DCAF1: variants seen among roughly 807,000 people sequenced by gnomAD.
DCAF1 encodes the protein DDB1 and CUL4 associated factor 1.
DCAF1 carries 15 observed loss-of-function variants against 128.0 expected under a neutral mutation model. The ratio of observed to expected loss-of-function variants is 0.12; its 90% confidence interval spans 0.08 to 0.18. The LOEUF (loss-of-function observed/expected upper bound fraction) is 0.18, where lower values mean the gene tolerates loss of function less well. Among genes scored for constraint, DCAF1 ranks in the 10% least tolerant of loss-of-function variants. The probability of loss-of-function intolerance (pLI) is 1.00; values close to 1 mark genes in which losing one functional copy is unlikely to be tolerated. For missense variants in DCAF1, 988 were observed against 1,649.5 expected (o/e 0.60, Z 6.95); for synonymous variants, 610 against 603.0 (o/e 1.01, Z -0.17).
intron 23 of DCAF1, 83 bp from the exon 24 acceptor site, chr3:51,403,478 A>AG (rs1488208537): frequency 1.4e-5 from 21 of 1,511,632 alleles, no homozygotes; most frequent in Non-Finnish European, 1.8e-5. Context: ...CCAAAGAGAC[A>AG]GGGTAGGAAA....
intron 6 of DCAF1, among the ~76,000 whole-genome samples, chr3:51,447,299 A>G (rs1055256896): frequency 6.6e-6 from 1 of 151,906 alleles, no homozygotes; most frequent in Admixed American, 6.6e-5. Flanking sequence ...AGTTCCAACT[A>G]TTCGGGAGGC....
Position 51,441,723 on chromosome 3 carries a change from G to C in DCAF1, c.688C>G (p.Gln230Glu), listed in dbSNP as rs782646159. ...TCCATGTCTCCAGAAGCTTCCTCTT[G>C]GTCTCCATCCACTACATCTACAGCC... ...DMAVDVVDGD[Q>E]EEASGDMEIS... is the part of the protein sequence containing the mutation. The change falls in exon 8 of 25, where the codon CAA (glutamine) becomes GAA (glutamate). Residue 230 changes from glutamine to glutamate, a missense_variant. Transcript: ENST00000684031. 1 of 1,613,810 alleles carries C rather than the reference G, an allele frequency of 6.2e-7. No homozygotes were observed. The highest frequency in any genetic ancestry group is 8.5e-7 in the Non-Finnish European group (1 of 1,179,862).
downstream of DCAF1, chr3:51,397,491 A>G (rs868908497): frequency 6.0e-6 from 1 of 166,944 alleles, no homozygotes; most frequent in African/African-American, 2.4e-5. Context: ...AGCTTTGCCA[A>G]CTCCATCCTC....
chr3:51,426,617 T>C (rs1699933173), intron 13 of DCAF1, among the ~76,000 whole-genome samples: 1 of 152,242 alleles, frequency 6.6e-6, no homozygotes, highest in Admixed American at 6.5e-5. Flanking sequence ...ATTATTAATA[T>C]GGTAAAGGTA....
At chr3:51,455,556 T>C (rs1015365068) in intron 6 of DCAF1, among the ~76,000 whole-genome samples, 3 of 151,898 alleles carry the variant, frequency 2.0e-5, no homozygotes, top group Non-Finnish European at 4.4e-5. Context: ...CAGTGAGCCA[T>C]GGTGATCTCA....
intron 9 of DCAF1, chr3:51,438,054 C>T: frequency 4.7e-6 from 2 of 424,574 alleles, no homozygotes; most frequent in Non-Finnish European, 9.2e-6. Flanking sequence ...TAAAATTTTA[C>T]TTATTACATA....
At chr3:51,433,606 T>C (rs1700564799) in intron 9 of DCAF1, among the ~76,000 whole-genome samples, 1 of 151,302 alleles carries the variant, frequency 6.6e-6, no homozygotes, top group African/African-American at 2.4e-5. Flanking sequence ...GGATTACAGA[T>C]ACCCGCCACC....
intron 6 of DCAF1, among the ~76,000 whole-genome samples, chr3:51,459,232 C>T (rs1463241222): frequency 6.6e-6 from 1 of 152,240 alleles, no homozygotes; most frequent in African/African-American, 2.4e-5. Flanking sequence ...GATATCACAA[C>T]CGATCCCACG....
upstream of DCAF1, among the ~76,000 whole-genome samples, chr3:51,502,219 C>T (rs1343633468): frequency 6.6e-6 from 1 of 152,136 alleles, no homozygotes; most frequent in Non-Finnish European, 1.5e-5. Flanking sequence ...CCTCAGTCTG[C>T]CACCAGATGG....
At chr3:51,440,647 T>G (rs534222165) in intron 9 of DCAF1, among the ~76,000 whole-genome samples, 16 of 151,348 alleles carry the variant, frequency 1.1e-4, no homozygotes, top group African/African-American at 3.9e-4. Flanking sequence ...GGCTCACGCC[T>G]GTAATCCCAG....
intron 4 of DCAF1, among the ~76,000 whole-genome samples, chr3:51,467,942 T>C (rs140021381): frequency 2.5e-3 from 381 of 152,212 alleles, no homozygotes; most frequent in African/African-American, 8.9e-3. Flanking sequence ...AACCTCTCCT[T>C]CCACTACAAT....
At chr3:51,437,695 G>A (rs1700979688) in intron 9 of DCAF1, among the ~76,000 whole-genome samples, 3 of 151,920 alleles carry the variant, frequency 2.0e-5, no homozygotes, top group Admixed American at 2.0e-4. Flanking sequence ...CGCACCTGCA[G>A]TCCAAGCTAC....
intron 7 of DCAF1, among the ~76,000 whole-genome samples, chr3:51,442,591 C>T (rs1023748222): frequency 4.6e-5 from 7 of 151,864 alleles, no homozygotes; most frequent in Non-Finnish European, 1.0e-4. Context: ...CCCAGCTACT[C>T]GGGAGGCTGA....
intron 2 of DCAF1, among the ~76,000 whole-genome samples, chr3:51,494,902 T>C (rs998257747): frequency 7.5e-4 from 114 of 152,304 alleles, no homozygotes; most frequent in African/African-American, 2.7e-3. Flanking sequence ...CATATACATA[T>C]ATACTTCTGG....
At chr3:51,457,044 T>C (rs1442545724) in intron 6 of DCAF1, among the ~76,000 whole-genome samples, 1 of 151,928 alleles carries the variant, frequency 6.6e-6, no homozygotes, top group East Asian at 1.9e-4. Context: ...TCACCAGCAA[T>C]GGAACAAAGC....
chr3:51,455,905 G>GA lies in DCAF1; in HGVS notation c.375+7208dup, dbSNP rs1215449609. 7.5e-5 allele frequency among the ~76,000 whole-genome samples: 11 copies of GA among 146,662 alleles called. No homozygotes were observed. In the East Asian group the frequency reaches 8.0e-4, roughly 11 times the overall value. ...AGAGCAAGACTCTGTCTCAAAAAAA[G>GA]AAAAAAAAAAGATCCGGGGGAGGAG... is the stretch of plus-strand genomic sequence containing the variant. On this transcript the variant is annotated intron_variant, in intron 6 of 24. Coordinates refer to ENST00000684031, the MANE Select transcript of DCAF1 (RefSeq NM_001387579.1).
intron 14 of DCAF1, among the ~76,000 whole-genome samples, 167 bp from the exon 15 acceptor site, chr3:51,421,164 A>G (rs1160711183): frequency 2.0e-5 from 3 of 152,164 alleles, no homozygotes; most frequent in African/African-American, 4.8e-5. Context: ...TTCTACTACA[A>G]TGTATTTTTA....
chr3:51,490,685 G>A (rs189909823), intron 2 of DCAF1, among the ~76,000 whole-genome samples: 1 of 152,166 alleles, frequency 6.6e-6, no homozygotes, highest in Non-Finnish European at 1.5e-5. Flanking sequence ...AGCACTTTGG[G>A]AGGCCAAGAT....
At chr3:51,498,110 C>T (rs1432812884) in intron 1 of DCAF1, among the ~76,000 whole-genome samples, 3 of 142,720 alleles carry the variant, frequency 2.1e-5, no homozygotes, top group Non-Finnish European at 4.5e-5. Context: ...ATCTGTAATC[C>T]CAGCACTTTG....
Sources: gnomAD v4.1 joint callset for allele counts (sites outside exome capture counted in the v4.1 genomes callset) on GRCh38, gnomAD v4.1.1 for gene constraint, MANE v1.5 for transcripts, NCBI Gene and HGNC (gene_info 2026-07-23, HGNC 2026-07-21) for gene names.